Variants in PDE1A observed in about 807,000 individuals in gnomAD.
PDE1A encodes phosphodiesterase 1A, also known as dual specificity calcium/calmodulin-dependent 3',5'-cyclic nucleotide phosphodiesterase 1A.
A neutral mutation model predicts 61.7 loss-of-function variants in PDE1A; 35 were observed. That is an observed-to-expected ratio of 0.57 (90% CI 0.43 to 0.75). The LOEUF (loss-of-function observed/expected upper bound fraction) is 0.75. PDE1A is among the 30% of genes least tolerant of loss of function. PDE1A has a pLI of 0.00. For synonymous variants in PDE1A, 232 were observed against 213.2 expected, an observed-to-expected ratio of 1.09 and a Z score of -0.77; for missense variants, 597 against 630.6, an observed-to-expected ratio of 0.95 and a Z score of 0.57.
downstream of PDE1A, among the ~76,000 whole-genome samples, chr2:182,143,663 C>A (rs550444412): frequency 4.6e-5 from 7 of 152,130 alleles, no homozygotes; most frequent in South Asian, 1.5e-3. Flanking sequence ...CTACAGGCGC[C>A]CGCCACTACG....
intron 1 of PDE1A, among the ~76,000 whole-genome samples, chr2:182,355,339 G>A (rs945672074): frequency 6.6e-6 from 1 of 151,794 alleles, no homozygotes. Flanking sequence ...GACAGTAAGT[G>A]TAGGTACATA....
At chr2:182,499,272 G>C (rs2125912389) in intron 2 of PDE1A, among the ~76,000 whole-genome samples, 1 of 149,896 alleles carries the variant, frequency 6.7e-6, no homozygotes, top group South Asian at 2.1e-4. Flanking sequence ...CGCCTCCCGG[G>C]TTCACGCCAT....
chr2:182,565,457 G>A, the PDE1A span, among the ~76,000 whole-genome samples: 1 of 152,112 alleles, frequency 6.6e-6, no homozygotes, highest in African/African-American at 2.4e-5. Context: ...GTGTCAGTCT[G>A]CCCCTACTGG....
intron 2 of PDE1A, among the ~76,000 whole-genome samples, chr2:182,455,613 T>C (rs1369391331): frequency 2.0e-5 from 3 of 152,106 alleles, no homozygotes; most frequent in Non-Finnish European, 2.9e-5. Context: ...TGCAGGGAGA[T>C]GGATGAAACC....
Position 182,263,672 on chromosome 2 carries a change from C to T in PDE1A, c.167+629G>A, listed in dbSNP as rs545819607. 2.0e-5 allele frequency among the ~76,000 whole-genome samples: 3 copies of T among 152,328 alleles called. No homozygotes were observed. The South Asian group carries it at 6.2e-4, about 32-fold the overall frequency. ...AGATATCTTTGAACACCAAGAGACA[C>T]TGGTCACATCTCCTGGATTTGCCAA... On this transcript the variant is annotated intron_variant, in intron 2 of 13. Transcript: ENST00000351439.
the PDE1A span, among the ~76,000 whole-genome samples, chr2:182,586,089 G>A: frequency 6.6e-6 from 1 of 151,878 alleles, no homozygotes; most frequent in Non-Finnish European, 1.5e-5. Context: ...AAGCACTTTC[G>A]GTTCTATCTC....
chr2:182,255,282 C>T (rs548242423), intron 2 of PDE1A, among the ~76,000 whole-genome samples: 1 of 152,286 alleles, frequency 6.6e-6, no homozygotes, highest in South Asian at 2.1e-4. Context: ...GTTGGGTTTC[C>T]TATCACTTAC....
At chr2:182,491,174 T>C (rs1417557687) in intron 2 of PDE1A, among the ~76,000 whole-genome samples, 1 of 152,170 alleles carries the variant, frequency 6.6e-6, no homozygotes, top group Non-Finnish European at 1.5e-5. Flanking sequence ...CACTTGCAGT[T>C]TGTGGTCATA....
chr2:182,169,344 T>C (rs1045317805), intron 13 of PDE1A, among the ~76,000 whole-genome samples: 8 of 152,118 alleles, frequency 5.3e-5, no homozygotes, highest in Non-Finnish European at 1.2e-4. Context: ...AAGAATTAGC[T>C]ATATTTATTT....
chr2:182,422,807 G>C (rs576646149), intron 1 of PDE1A, among the ~76,000 whole-genome samples: 13 of 152,234 alleles, frequency 8.5e-5, no homozygotes, highest in Admixed American at 2.6e-4. Context: ...TCTATGTGAG[G>C]TCTCATATAT....
intron 1 of PDE1A, among the ~76,000 whole-genome samples, chr2:182,412,399 A>G (rs1349680884): frequency 6.6e-6 from 1 of 152,120 alleles, no homozygotes; most frequent in Non-Finnish European, 1.5e-5. Flanking sequence ...CCTCGCTTTG[A>G]CTCCAAATTC....
intron 2 of PDE1A, among the ~76,000 whole-genome samples, chr2:182,451,064 T>C (rs183838790): frequency 6.6e-6 from 1 of 152,240 alleles, no homozygotes; most frequent in African/African-American, 2.4e-5. Flanking sequence ...GCTTGAAAGA[T>C]ATTTTTCTTT....
chr2:182,630,110 T>C, the PDE1A span, among the ~76,000 whole-genome samples: 76,411 of 151,972 alleles, frequency 0.5, 20,065 homozygotes, highest in Admixed American at 0.63. Flanking sequence ...ATTAATCTTC[T>C]GTGTTCTGCA....
chr2:182,271,292 C>T (rs1012173491), intron 1 of PDE1A, among the ~76,000 whole-genome samples: 6 of 151,284 alleles, frequency 4.0e-5, no homozygotes, highest in Admixed American at 2.6e-4. Context: ...GTTGGTCTAC[C>T]TTAAACATAT....
At chr2:182,276,719 C>T (rs112872336) in intron 1 of PDE1A, among the ~76,000 whole-genome samples, 1 of 152,050 alleles carries the variant, frequency 6.6e-6, no homozygotes, top group Non-Finnish European at 1.5e-5. Context: ...TTTCTTCTTG[C>T]AGAGAGCCTA....
the PDE1A span, among the ~76,000 whole-genome samples, chr2:182,695,666 C>CAAAAAA: frequency 1.1e-3 from 36 of 31,964 alleles, no homozygotes; most frequent in South Asian, 1.3e-3. Flanking sequence ...GGCCCTCTCT[C>CAAAAAA]AAAAAAAAAA....
intron 7 of PDE1A, among the ~76,000 whole-genome samples, chr2:182,206,990 T>C (rs1687160897): frequency 6.6e-6 from 1 of 152,216 alleles, no homozygotes; most frequent in Non-Finnish European, 1.5e-5. Flanking sequence ...TTTCTTGATA[T>C]GTTACTGAGT....
intron 7 of PDE1A, among the ~76,000 whole-genome samples, chr2:182,214,723 A>C (rs1430751113): frequency 7.1e-6 from 1 of 140,202 alleles, no homozygotes; most frequent in Non-Finnish European, 1.5e-5. Flanking sequence ...AACTATCCTA[A>C]ATATATATGC....
chr2:182,529,049 A>G, the PDE1A span, among the ~76,000 whole-genome samples: 1 of 152,292 alleles, frequency 6.6e-6, no homozygotes, highest in African/African-American at 2.4e-5. Context: ...CCCCACTTGG[A>G]TACTACCTAG....
Sources: gnomAD v4.1 joint callset for allele counts (sites outside exome capture counted in the v4.1 genomes callset) on GRCh38, gnomAD v4.1.1 for gene constraint, MANE v1.5 for transcripts, NCBI Gene and HGNC (gene_info 2026-07-23, HGNC 2026-07-21) for gene names.